EYS: variants seen among roughly 807,000 people sequenced by gnomAD.
EYS encodes EGF-like photoreceptor maintenance factor.
In EYS, 250 loss-of-function variants were observed where a neutral mutation model predicts 282.1. That is an observed-to-expected ratio of 0.89 (90% confidence interval 0.80 to 0.98). The LOEUF (loss-of-function observed/expected upper bound fraction) is 0.98. Ranked by LOEUF, EYS falls within the 50% of genes least tolerant of loss-of-function variation. The pLI is 0.00. For synonymous variants in EYS, 1,355 were observed against 1,282.9 expected, an observed-to-expected ratio of 1.06 and a Z score of -1.20; for missense variants, 4,016 against 3,709.0, an observed-to-expected ratio of 1.08 and a Z score of -2.15.
intron 35 of EYS, among the ~76,000 whole-genome samples, chr6:63,959,616 T>C (rs771987475): frequency 3.3e-5 from 5 of 152,196 alleles, no homozygotes; most frequent in Non-Finnish European, 5.9e-5. Flanking sequence ...CCAACCCAAA[T>C]GTCCATCAGT....
intron 36 of EYS, among the ~76,000 whole-genome samples, chr6:63,834,195 C>G (rs1771732989): frequency 6.6e-6 from 1 of 151,994 alleles, no homozygotes; most frequent in Non-Finnish European, 1.5e-5. Flanking sequence ...GCAACAGAAG[C>G]AAAAATAGAC....
chr6:65,216,413 T>G (rs143980010), intron 12 of EYS, among the ~76,000 whole-genome samples: 382 of 152,124 alleles, frequency 2.5e-3, no homozygotes, highest in African/African-American at 8.4e-3. Flanking sequence ...TAATCCATGC[T>G]ATAAAATGAT....
chr6:65,115,992 T>C (rs1323552304), intron 12 of EYS, among the ~76,000 whole-genome samples: 4 of 151,900 alleles, frequency 2.6e-5, no homozygotes, highest in Non-Finnish European at 5.9e-5. Flanking sequence ...TATCTATCTA[T>C]CTATCTATCT....
At chr6:64,613,967 G>T (rs1767188048) in intron 24 of EYS, among the ~76,000 whole-genome samples, 1 of 152,216 alleles carries the variant, frequency 6.6e-6, no homozygotes, top group African/African-American at 2.4e-5. Context: ...CTCCAGCCCT[G>T]TGTAGATTTT....
At chr6:65,497,337 G>A (rs557508343) in intron 2 of EYS, among the ~76,000 whole-genome samples, 11 of 152,044 alleles carry the variant, frequency 7.2e-5, no homozygotes, top group Non-Finnish European at 1.2e-4. Flanking sequence ...TCTGAGACAT[G>A]TAGCAAGGAC....
intron 22 of EYS, among the ~76,000 whole-genome samples, chr6:64,634,690 C>A (rs925388674): frequency 6.6e-6 from 1 of 152,144 alleles, no homozygotes; most frequent in Non-Finnish European, 1.5e-5. Context: ...ATGTGAGGAT[C>A]CCCAACCTAT....
intron 12 of EYS, among the ~76,000 whole-genome samples, chr6:65,271,128 T>TTTTATATA (rs1189830101): frequency 1.1e-4 from 6 of 55,788 alleles, no homozygotes; most frequent in African/African-American, 3.2e-4. Context: ...AATCAATAGA[T>TTTTATATA]TATATATATA....
chr6:64,182,604 C>T (rs1004541102), intron 31 of EYS, among the ~76,000 whole-genome samples: 3 of 152,116 alleles, frequency 2.0e-5, no homozygotes, highest in African/African-American at 7.2e-5. Context: ...TCTCTGCTAC[C>T]TCAGTAATCC....
Position 64,565,527 on chromosome 6 carries a change from T to A in EYS, c.5644+24696A>T, listed in dbSNP as rs9444988. 6.8e-3 allele frequency among the ~76,000 whole-genome samples: 1,028 copies of A among 152,230 alleles called. 16 individuals are homozygous for A. The highest frequency in any genetic ancestry group is 0.024 in the African/African-American group (986 of 41,542). ...AATAATAGACACAGACAAAACCATA[T>A]GATTTCACTTACATGTATAGTATAA... On this transcript the variant is annotated intron_variant, in intron 26 of 42. Coordinates refer to ENST00000503581, the MANE Select transcript of EYS (RefSeq NM_001142800.2).
chr6:65,509,894 C>A (rs931121410), intron 2 of EYS, among the ~76,000 whole-genome samples: 1 of 152,252 alleles, frequency 6.6e-6, no homozygotes, highest in Non-Finnish European at 1.5e-5. Flanking sequence ...ACTTCTGAAA[C>A]CTCCTATCAG....
chr6:64,049,663 GC>G (rs1253542912), intron 33 of EYS, among the ~76,000 whole-genome samples: 2 of 152,114 alleles, frequency 1.3e-5, no homozygotes, highest in Non-Finnish European at 2.9e-5. Flanking sequence ...GCTTGTATTA[GC>G]CCAACTTGTG....
chr6:64,062,624 G>A (rs1369616647), intron 33 of EYS, among the ~76,000 whole-genome samples: 1 of 150,788 alleles, frequency 6.6e-6, no homozygotes, highest in Admixed American at 6.6e-5. Context: ...CCTGGAGGTG[G>A]AGGTTGCAGT....
In EYS at chr6:64,003,619, T is replaced by A. The variant is rs1216529384; in HGVS notation, c.6726-4436A>T. On this transcript the variant is annotated intron_variant, in intron 33 of 42. Transcript: ENST00000503581. Reference sequence around the variant, plus strand: ...AAATTAAAAAAAAATTCCTCAAACTTTGGAAAATTTTTACCTGAATCATCT... The same window carrying A: ...AAATTAAAAAAAAATTCCTCAAACTATGGAAAATTTTTACCTGAATCATCT... Among the ~76,000 whole-genome samples the A allele has an allele frequency of 3.9e-5, 6 of 152,158 alleles. 1 individual carries two copies. In the East Asian group the frequency reaches 9.6e-4, roughly 24 times the overall value.
chr6:64,426,153 T>C (rs2150456049), intron 28 of EYS, among the ~76,000 whole-genome samples: 1 of 152,272 alleles, frequency 6.6e-6, no homozygotes, highest in South Asian at 2.1e-4. Context: ...TAGAGTGTAT[T>C]CACTAAAATG....
chr6:64,893,949 A>G (rs150244516), intron 18 of EYS, among the ~76,000 whole-genome samples: 3 of 152,132 alleles, frequency 2.0e-5, no homozygotes, highest in African/African-American at 7.2e-5. Context: ...TCAATTAATT[A>G]TCCTCCATTC....
intron 26 of EYS, among the ~76,000 whole-genome samples, chr6:64,552,787 C>T (rs899333145): frequency 8.1e-5 from 12 of 148,934 alleles, no homozygotes; most frequent in Admixed American, 3.4e-4. Context: ...GGCATGGTGG[C>T]GCATGCCTGT....
chr6:65,214,467 G>A (rs145084059), intron 12 of EYS, among the ~76,000 whole-genome samples: 2 of 152,278 alleles, frequency 1.3e-5, no homozygotes, highest in African/African-American at 4.8e-5. Flanking sequence ...AGGTGAGGAA[G>A]CTACAGAAGA....
chr6:65,265,866 AG>A (rs1362267078), intron 12 of EYS, among the ~76,000 whole-genome samples: 1 of 151,982 alleles, frequency 6.6e-6, no homozygotes, highest in African/African-American at 2.4e-5. Flanking sequence ...TGTAAAATGA[AG>A]GTAACAGCAC....
At chr6:65,362,368 C>T (rs983109431) in intron 8 of EYS, among the ~76,000 whole-genome samples, 19 of 151,934 alleles carry the variant, frequency 1.3e-4, no homozygotes, top group African/African-American at 3.9e-4. Flanking sequence ...TCTAGAACAT[C>T]GTTACTCCAA....
Sources: gnomAD v4.1 joint callset for allele counts (sites outside exome capture counted in the v4.1 genomes callset) on GRCh38, gnomAD v4.1.1 for gene constraint, MANE v1.5 for transcripts, NCBI Gene and HGNC (gene_info 2026-07-23, HGNC 2026-07-21) for gene names.